The following TAOK2 variants were observed in gnomAD, a reference collection of about 807,000 sequenced individuals.
The protein encoded by TAOK2 is TAO kinase 2, also known as serine/threonine-protein kinase TAO2.
TAOK2 carries 42 observed loss-of-function variants against 122.5 expected under a neutral mutation model. The observed-to-expected ratio is 0.34, with a 90% confidence interval of 0.27 to 0.44. TAOK2 has a LOEUF of 0.44. Ranked by LOEUF, TAOK2 falls within the 20% of genes least tolerant of loss-of-function variation. The pLI is 1.00. For synonymous variants in TAOK2, 704 were observed against 677.6 expected (o/e 1.04, Z -0.61); for missense variants, 1,264 against 1,644.9 (o/e 0.77, Z 4.01).
At chr16:29,988,505 C>G, downstream of TAOK2, 1 of 1,185,910 alleles carries the variant, frequency 8.4e-7, no homozygotes, top group South Asian at 1.6e-5. Context: ...ACCCCATCTC[C>G]GTTATCTCAG....
At chr16:29,980,765 G>A (rs903606108) in intron 8 of TAOK2, 1 of 152,096 alleles carries the variant, frequency 6.6e-6, no homozygotes, top group African/African-American at 2.4e-5. Flanking sequence ...GAAGAGATGT[G>A]GATACAGAGA....
In TAOK2 at chr16:29,987,442, C is replaced by T. The variant is rs1432713751; in HGVS notation, c.3170C>T (p.Ala1057Val). ...TGGCTCTTAGCTTGGCCAGGCCTAG[C>T]TCTACCTCTGGTGGCTATGGCAGCG... ...AAWLLAWPGL[A>V]LPLVAMAAGG... The change falls in exon 16 of 16, where the codon GCT (alanine) becomes GTT (valine). Residue 1057 changes from alanine (A) to valine (V), a missense_variant. By Grantham distance (64) the Ala-to-Val change is moderately conservative (BLOSUM62 0). Around this residue, in one of 4 missense-constraint regions of TAOK2, gnomAD observed 824 missense variants for 908.7 expected, o/e 0.91. Transcript: ENST00000308893. 4 of 1,601,564 alleles carry T rather than the reference C, an allele frequency of 2.5e-6. No individual in the cohort carries two copies.
In TAOK2 at chr16:29,986,578, C is replaced by A; in HGVS notation, c.2306C>A (p.Thr769Asn). Residue 769 changes from threonine to asparagine, a missense_variant, in exon 16 of 16, where the codon ACC (threonine) becomes AAC (asparagine). Physicochemically the swap from Thr to Asn is moderately conservative, Grantham distance 65. Around this residue, in one of 4 missense-constraint regions of TAOK2, gnomAD observed 824 missense variants for 908.7 expected, o/e 0.91. Transcript: ENST00000308893. This position sits in a 1 kb window ranked among gnomAD's most constrained non-coding sequence, Gnocchi z 4.2. Reference protein sequence around the residue: ...PGALGPPNTGTPIEQQPCSPG... With the variant: ...PGALGPPNTGNPIEQQPCSPG... Reference sequence around the variant, plus strand: ...GCTCTGGGCCCACCCAACACAGGCACCCCTATAGAACAGCAGCCCTGCTCA... The same window carrying A: ...GCTCTGGGCCCACCCAACACAGGCAACCCTATAGAACAGCAGCCCTGCTCA... The A allele has an allele frequency of 6.2e-7, 1 of 1,613,878 alleles. No homozygotes were observed. The highest frequency in any genetic ancestry group is 8.5e-7 in the Non-Finnish European group (1 of 1,179,906).
At position 29,985,244 on chromosome 16, in the gene TAOK2, A is replaced by G; in HGVS notation, c.1454A>G (p.Asp485Gly). 1 of 1,541,742 alleles carries G rather than the reference A, an allele frequency of 6.5e-7. No individual in the cohort carries two copies. The highest frequency in any genetic ancestry group is 8.8e-7 in the Non-Finnish European group (1 of 1,142,476). Reference sequence around the variant, plus strand: ...CGTCAGATCCAGGAGCATGAGCAGGACTCTGCGCTGCGGGAGCAGCTGAGC... The same window carrying G: ...CGTCAGATCCAGGAGCATGAGCAGGGCTCTGCGCTGCGGGAGCAGCTGAGC... The part of the protein sequence containing the change: ...VSRQIQEHEQ[D>G]SALREQLSGY... Residue 485 changes from aspartate to glycine, a missense_variant, in exon 14 of 16, where the codon GAC (aspartate) becomes GGC (glycine). Physicochemically the swap from Asp to Gly is moderately conservative, Grantham distance 94. This residue lies in a region of TAOK2 where 64 missense variants were observed against 115.7 expected (regional missense o/e 0.55). Transcript: ENST00000308893. The surrounding 1 kb of genome is among the most constrained non-coding windows in gnomAD (Gnocchi z 6.9).
chr16:29,992,021 G>T (rs897037740), downstream of TAOK2: 1 of 154,972 alleles, frequency 6.5e-6, no homozygotes, highest in African/African-American at 2.4e-5. Flanking sequence ...TCAGGATGGG[G>T]TCTTGGGGTC....
intron 11 of TAOK2, 30 bp downstream of exon 11, chr16:29,982,931 T>C (rs1276071493): frequency 1.2e-6 from 2 of 1,611,866 alleles, no homozygotes; most frequent in East Asian, 4.5e-5. Flanking sequence ...CACCCCTCTT[T>C]ATACCCCATG....
downstream of TAOK2, chr16:29,991,719 G>T (rs2069973193): frequency 9.3e-7 from 1 of 1,069,892 alleles, no homozygotes; most frequent in East Asian, 3.2e-5. This position sits in a 1 kb window ranked among gnomAD's most constrained non-coding sequence, Gnocchi z 5.6. Flanking sequence ...GAGCTTCTTG[G>T]GGCTGGCCAG....
In TAOK2 at chr16:29,987,598, G is replaced by T; in HGVS notation, c.3326G>T (p.Arg1109Leu). The T allele has an allele frequency of 6.2e-7, 1 of 1,612,450 alleles. No homozygotes were observed. Among genetic ancestry groups the T allele is most frequent in the Non-Finnish European group, 8.5e-7 (1 of 1,178,960 alleles). ...ALQGCGAVGD[R>L]GLFALYPKTN... ...CAGGGCTGTGGGGCTGTGGGGGACC[G>T]GGGTCTGTTTGCACTGTACCCCAAA... The change falls in exon 16 of 16, where the codon CGG (arginine) becomes CTG (leucine). Residue 1109 changes from arginine to leucine, a missense_variant. Physicochemically the swap from Arg to Leu is moderately radical, Grantham distance 102. This residue lies in a region of TAOK2 where 824 missense variants were observed against 908.7 expected (regional missense o/e 0.91). Transcript: ENST00000308893.
downstream of TAOK2, chr16:29,989,090 C>G: frequency 1.0e-6 from 1 of 985,382 alleles, no homozygotes; most frequent in Non-Finnish European, 1.2e-6. Context: ...CTTCCTGTGT[C>G]TGTCCTTAGT....
downstream of TAOK2, chr16:29,991,231 C>T: frequency 6.2e-7 from 1 of 1,611,216 alleles, no homozygotes; most frequent in Non-Finnish European, 8.5e-7. The surrounding 1 kb of genome is among the most constrained non-coding windows in gnomAD (Gnocchi z 5.6). Flanking sequence ...CCACCCCCTG[C>T]CCCAGCCTGG....
downstream of TAOK2, chr16:29,992,067 TC>T (rs2069983880): frequency 6.6e-6 from 1 of 151,356 alleles, no homozygotes; most frequent in South Asian, 2.1e-4. Context: ...CTGTCTGACG[TC>T]CTGTGCCGTC....
chr16:29,991,572 G>T, downstream of TAOK2: 1 of 1,464,116 alleles, frequency 6.8e-7, no homozygotes, highest in South Asian at 1.4e-5. The surrounding 1 kb of genome is among the most constrained non-coding windows in gnomAD (Gnocchi z 5.6). Flanking sequence ...TTCCTGAGGT[G>T]CAGCGGGGAG....
intron 4 of TAOK2, 147 bp from the exon 5 acceptor site, chr16:29,978,650 ACT>A: frequency 1.2e-6 from 1 of 857,944 alleles, no homozygotes; most frequent in East Asian, 2.5e-5. Context: ...GACTCTAGAA[ACT>A]CTCCCACCAC....
At chr16:29,988,759 A>G (rs1448637951), downstream of TAOK2, 1 of 985,154 alleles carries the variant, frequency 1.0e-6, no homozygotes, top group African/African-American at 1.7e-5. Context: ...GCATTACCCT[A>G]GTGGGTTGGG....
chr16:29,985,079 G>C lies in TAOK2; in HGVS notation c.1423-134G>C. The C allele has an allele frequency of 8.7e-7, 1 of 1,154,174 alleles. No homozygotes were observed. The highest frequency in any genetic ancestry group is 1.1e-6 in the Non-Finnish European group (1 of 871,388). The allele number at this position is 1,154,174 out of a possible 1,614,324, so 71.5% of individuals were successfully genotyped here. On this transcript the variant is annotated intron_variant, in intron 13 of 15. Transcript: ENST00000308893. This position sits in a 1 kb window ranked among gnomAD's most constrained non-coding sequence, Gnocchi z 6.9. ...GTTGAGGAAACAGGCTAGAGTGGCC[G>C]TGTGTGAGGAAGGTGTTAAATGAGA...
rs774761421 is a variant in TAOK2 at position 29,988,124 on chromosome 16, C to T, written c.*144C>T. On this transcript the variant is annotated 3_prime_UTR_variant, in exon 16 of 16. Transcript: ENST00000308893. ...TTACCCCAGGCCCAGCCCTTCGGACCTCTAGACAGGCAGCCTCCTCAGCTG... is the reference window on the plus strand; with the variant it reads ...TTACCCCAGGCCCAGCCCTTCGGACTTCTAGACAGGCAGCCTCCTCAGCTG... The T allele has an allele frequency of 1.4e-6, 2 of 1,433,102 alleles. No individual in the cohort carries two copies. The highest frequency in any genetic ancestry group is 9.1e-7 in the Non-Finnish European group (1 of 1,098,670). 88.8% of individuals were successfully genotyped at this position (1,433,102 alleles called of 1,614,324 possible). A position where few individuals can be genotyped will look rare whatever the true frequency, so the allele number is the denominator to read the frequency against.
In TAOK2 at chr16:29,977,759, C is replaced by T. The variant is rs1317232111; in HGVS notation, c.-14C>T. On this transcript the variant is annotated 5_prime_UTR_variant, in exon 2 of 16. Coordinates refer to ENST00000308893, the MANE Select transcript of TAOK2 (RefSeq NM_016151.4). ...TCAGGCCAGGCCCCACTCTCAGGGC[C>T]CCCAGGGGCCACCATGCCAGCTGGG... 1 of 1,613,856 alleles carries T rather than the reference C, an allele frequency of 6.2e-7. No homozygotes were observed. Among genetic ancestry groups the T allele is most frequent in the East Asian group, 2.2e-5 (1 of 44,880 alleles).
chr16:29,974,806 C>T (rs1596589448), intron 1 of TAOK2, among the ~76,000 whole-genome samples, 158 bp downstream of exon 1: 1 of 152,156 alleles, frequency 6.6e-6, no homozygotes, highest in Non-Finnish European at 1.5e-5. Flanking sequence ...TCTGTTGCCA[C>T]CCCCTTCCCC....
intron 5 of TAOK2, 60 bp from the exon 6 acceptor site, chr16:29,978,914 G>T: frequency 6.2e-7 from 1 of 1,613,540 alleles, no homozygotes; most frequent in South Asian, 1.1e-5. Context: ...GGGTTAAGGG[G>T]AGTTTATTCC....
Sources: gnomAD v4.1 joint callset for allele counts (sites outside exome capture counted in the v4.1 genomes callset) on GRCh38, gnomAD v4.1.1 for gene constraint, gnomAD v4.1.1 regional missense constraint, Gnocchi (gnomAD v3.1) non-coding constraint, MANE v1.5 for transcripts, NCBI Gene and HGNC (gene_info 2026-07-23, HGNC 2026-07-21) for gene names.